The following CPNE5 variants were observed in gnomAD, a reference collection of about 807,000 sequenced individuals.
The protein encoded by CPNE5 is copine-5.
Under a neutral mutation model 81.1 loss-of-function variants are expected in CPNE5, and 42 were observed. That is an observed-to-expected ratio of 0.52 (90% CI 0.40 to 0.67). The LOEUF is 0.67. CPNE5 is among the 30% of genes least tolerant of loss of function. The probability of loss-of-function intolerance (pLI) is 0.00; values close to 1 mark genes in which losing one functional copy is unlikely to be tolerated. For synonymous variants in CPNE5, 313 were observed against 321.5 expected (o/e 0.97, Z 0.28); for missense variants, 612 against 815.5 (o/e 0.75, Z 3.04).
intron 9 of CPNE5, among the ~76,000 whole-genome samples, chr6:36,778,319 T>C (rs1767729424): frequency 6.6e-6 from 1 of 151,938 alleles, no homozygotes; most frequent in African/African-American, 2.4e-5. Flanking sequence ...GAGGAGGAAA[T>C]AGGGGCTTCA....
chr6:36,813,181 G>A (rs908965896), intron 3 of CPNE5, among the ~76,000 whole-genome samples: 25 of 152,300 alleles, frequency 1.6e-4, no homozygotes, highest in African/African-American at 6.0e-4. Flanking sequence ...TCTGCACACA[G>A]TGGCCAGGGC....
chr6:36,810,690 T>A (rs1183491251), intron 3 of CPNE5, among the ~76,000 whole-genome samples: 3 of 152,014 alleles, frequency 2.0e-5, no homozygotes, highest in Non-Finnish European at 2.9e-5. Context: ...ACTGAAGGAG[T>A]CCAGAATTCT....
At chr6:36,821,866 C>A (rs970974553) in intron 3 of CPNE5, among the ~76,000 whole-genome samples, 1 of 152,164 alleles carries the variant, frequency 6.6e-6, no homozygotes, top group Non-Finnish European at 1.5e-5. Context: ...GGGACTGGGG[C>A]TCCCTGAGAA....
At position 36,836,658 on chromosome 6, in the gene CPNE5, CT is replaced by C. The variant is rs1297407959; in HGVS notation, c.95+2624del. On this transcript the variant is annotated intron_variant, in intron 1 of 20. Transcript: ENST00000244751. ...GCGGGTGCAGTGGGGAGGGACTTGACTTTAACTGGCGACCATGGAGTGAAGA... is the reference window on the plus strand; with the variant it reads ...GCGGGTGCAGTGGGGAGGGACTTGACTTAACTGGCGACCATGGAGTGAAGA... Among the ~76,000 whole-genome samples, 12 of 152,154 alleles carry C rather than the reference CT, an allele frequency of 7.9e-5. No individual in the cohort carries two copies. The East Asian group carries it at 2.1e-3, about 27-fold the overall frequency.
chr6:36,790,564 G>A (rs148546390), intron 8 of CPNE5, among the ~76,000 whole-genome samples: 254 of 152,194 alleles, frequency 1.7e-3, no homozygotes, highest in African/African-American at 5.3e-3. Flanking sequence ...ATGATTATTG[G>A]GAGTTATTGT....
chr6:36,827,030 A>T (rs1772559421), intron 1 of CPNE5, among the ~76,000 whole-genome samples: 1 of 152,062 alleles, frequency 6.6e-6, no homozygotes, highest in East Asian at 1.9e-4. Flanking sequence ...CTCCCGGTGG[A>T]TGCTCAGGCA....
At chr6:36,802,516 G>T (rs1015802818) in intron 3 of CPNE5, among the ~76,000 whole-genome samples, 1 of 152,152 alleles carries the variant, frequency 6.6e-6, no homozygotes, top group Admixed American at 6.6e-5. Flanking sequence ...CAGGGGTGCT[G>T]TTCGTTACAA....
At chr6:36,759,121 C>T (rs1312171522) in intron 12 of CPNE5, among the ~76,000 whole-genome samples, 3 of 152,218 alleles carry the variant, frequency 2.0e-5, no homozygotes, top group Admixed American at 6.5e-5. Context: ...AGAATGAACC[C>T]GGAGTCCTGA....
At chr6:36,743,281 T>A in intron 20 of CPNE5, 1 of 966,710 alleles carries the variant, frequency 1.0e-6, no homozygotes, top group East Asian at 1.1e-4. Context: ...GCACCGTTCA[T>A]GGAGATGCTT....
At chr6:36,782,712 A>G (rs935136019) in intron 8 of CPNE5, among the ~76,000 whole-genome samples, 2 of 152,008 alleles carry the variant, frequency 1.3e-5, no homozygotes, top group Admixed American at 6.6e-5. Context: ...GAGAATCGCT[A>G]GAACCTGGGA....
chr6:36,750,396 G>T (rs773286589), intron 14 of CPNE5, among the ~76,000 whole-genome samples: 1 of 152,176 alleles, frequency 6.6e-6, no homozygotes, highest in Non-Finnish European at 1.5e-5. Flanking sequence ...CCCAGCCAGG[G>T]TCTGCTGGCC....
intron 11 of CPNE5, among the ~76,000 whole-genome samples, chr6:36,764,258 G>T (rs1035215090): frequency 6.6e-6 from 1 of 152,036 alleles, no homozygotes; most frequent in Non-Finnish European, 1.5e-5. Context: ...AGGGTAAGAC[G>T]AGGCAAATTC....
At chr6:36,808,696 T>C (rs7744324) in intron 3 of CPNE5, among the ~76,000 whole-genome samples, 5,688 of 152,252 alleles carry the variant, frequency 0.037, 299 homozygotes, top group African/African-American at 0.12. Flanking sequence ...GGAGTGTCTG[T>C]TGCAGAGCTG....
At chr6:36,742,665 C>T in intron 20 of CPNE5, 179 bp from the exon 21 acceptor site, 1 of 984,530 alleles carries the variant, frequency 1.0e-6, no homozygotes, top group Non-Finnish European at 1.2e-6. Context: ...TTTGGGCAGT[C>T]AGTAACTATA....
chr6:36,783,134 T>A (rs1768191892), intron 8 of CPNE5, among the ~76,000 whole-genome samples: 1 of 152,060 alleles, frequency 6.6e-6, no homozygotes, highest in African/African-American at 2.4e-5. Context: ...AATAATCAGC[T>A]GTTGTTTGCC....
chr6:36,827,700 G>A (rs1349286199), intron 1 of CPNE5: 1 of 985,406 alleles, frequency 1.0e-6, no homozygotes, highest in Non-Finnish European at 1.2e-6. Context: ...GGGGCAATGA[G>A]TCACTTGCCC....
chr6:36,761,919 C>T (rs1208875184), intron 12 of CPNE5, among the ~76,000 whole-genome samples: 1 of 151,958 alleles, frequency 6.6e-6, no homozygotes, highest in Non-Finnish European at 1.5e-5. Flanking sequence ...AGGAGCAGGA[C>T]CTGAGCTAGA....
Position 36,752,996 on chromosome 6 carries a change from T to C in CPNE5, c.971+38A>G, listed in dbSNP as rs202207256. The stretch of plus-strand genomic sequence containing the variant: ...GTCGGTGTGTGGGGCCCTTTCCCTC[T>C]CCCCAAGGCCCATGAAATTGGCTGT... On this transcript the variant is annotated intron_variant, in intron 14 of 20. Coordinates refer to ENST00000244751, the MANE Select transcript of CPNE5 (RefSeq NM_020939.2). 370 of 1,545,042 alleles carry C rather than the reference T, an allele frequency of 2.4e-4. No homozygotes were observed. The African/African-American group carries it at 4.7e-3, about 19-fold the overall frequency.
At chr6:36,752,378 A>G (rs776495921) in intron 14 of CPNE5, among the ~76,000 whole-genome samples, 2 of 151,962 alleles carry the variant, frequency 1.3e-5, no homozygotes, top group Non-Finnish European at 2.9e-5. Flanking sequence ...GGGCCTAGAC[A>G]CTGTGCCTGG....
Sources: gnomAD v4.1 joint callset for allele counts (sites outside exome capture counted in the v4.1 genomes callset) on GRCh38, gnomAD v4.1.1 for gene constraint, MANE v1.5 for transcripts, NCBI Gene and HGNC (gene_info 2026-07-23, HGNC 2026-07-21) for gene names.